Variants in ITCH observed in about 807,000 individuals in gnomAD.
ITCH encodes the protein itchy E3 ubiquitin protein ligase, also known as E3 ubiquitin-protein ligase Itchy homolog.
A neutral mutation model predicts 126.8 loss-of-function variants in ITCH; 28 were observed. The ratio of observed to expected loss-of-function variants is 0.22; its 90% CI spans 0.16 to 0.30. The LOEUF (loss-of-function observed/expected upper bound fraction) is 0.30. Ranked by LOEUF, ITCH falls within the 10% of genes least tolerant of loss-of-function variation. ITCH has a pLI of 1.00. For missense variants in ITCH, 631 were observed against 1,032.4 expected, an observed-to-expected ratio of 0.61 and a Z score of 5.33; for synonymous variants, 342 against 340.0, an observed-to-expected ratio of 1.01 and a Z score of -0.06.
intron 15 of ITCH, among the ~76,000 whole-genome samples, chr20:34,470,461 AT>A (rs1987516203): frequency 6.6e-6 from 1 of 151,738 alleles, no homozygotes; most frequent in East Asian, 1.9e-4. Flanking sequence ...AAAGAAGAAA[AT>A]TAAACTTGAA....
chr20:34,380,188 T>A (rs955523373), intron 2 of ITCH, among the ~76,000 whole-genome samples: 8 of 152,158 alleles, frequency 5.3e-5, no homozygotes, highest in African/African-American at 1.9e-4. Flanking sequence ...TGTCCTTTTG[T>A]GTCTGGTGTA....
intron 16 of ITCH, chr20:34,475,886 A>G: frequency 2.0e-6 from 2 of 989,080 alleles, no homozygotes; most frequent in Non-Finnish European, 3.2e-6. Flanking sequence ...TTATAAAAAT[A>G]GGTAAAATTC....
intron 23 of ITCH, among the ~76,000 whole-genome samples, chr20:34,498,339 T>C (rs1569006731): frequency 6.6e-6 from 1 of 152,216 alleles, no homozygotes; most frequent in South Asian, 2.1e-4. Flanking sequence ...TCTTATCTAA[T>C]TGCTTTGGCT....
chr20:34,443,809 AC>A (rs1474374933), intron 10 of ITCH, among the ~76,000 whole-genome samples: 1 of 151,892 alleles, frequency 6.6e-6, no homozygotes, highest in African/African-American at 2.4e-5. Flanking sequence ...GCATAGTGAG[AC>A]CCCATCACTA....
At chr20:34,491,998 G>A (rs947702789) in intron 22 of ITCH, among the ~76,000 whole-genome samples, 2 of 152,180 alleles carry the variant, frequency 1.3e-5, no homozygotes, top group South Asian at 4.1e-4. Context: ...TCTGGGGCTG[G>A]GGGGTGGTGG....
intron 7 of ITCH, among the ~76,000 whole-genome samples, chr20:34,431,414 T>TA (rs562425043): frequency 8.0e-4 from 122 of 151,952 alleles, no homozygotes; most frequent in African/African-American, 2.5e-3. Context: ...CTCTTGTCTT[T>TA]AAAAAAAGGA....
chr20:34,465,852 A>C (rs1004389940), intron 14 of ITCH, among the ~76,000 whole-genome samples: 5 of 151,720 alleles, frequency 3.3e-5, no homozygotes, highest in Admixed American at 2.0e-4. Context: ...GCTTCTGAAA[A>C]CAGATAAGTT....
chr20:34,420,239 A>G (rs902082066), intron 6 of ITCH, among the ~76,000 whole-genome samples: 1 of 151,918 alleles, frequency 6.6e-6, no homozygotes, highest in Non-Finnish European at 1.5e-5. Flanking sequence ...AAAAAACCCC[A>G]TTTCTTTCTT....
At chr20:34,452,011 A>G (rs567673827) in intron 12 of ITCH, among the ~76,000 whole-genome samples, 2 of 151,258 alleles carry the variant, frequency 1.3e-5, no homozygotes, top group Admixed American at 6.6e-5. Flanking sequence ...CAAGGCTGCA[A>G]GTAGGCCAAG....
chr20:34,503,254 C>G (rs2146562412), intron 23 of ITCH, among the ~76,000 whole-genome samples: 1 of 152,174 alleles, frequency 6.6e-6, no homozygotes, highest in African/African-American at 2.4e-5. Flanking sequence ...TTCTTTGTGT[C>G]TGACAGTGTC....
chr20:34,494,952 C>A (rs1989755419), intron 23 of ITCH, among the ~76,000 whole-genome samples: 1 of 149,738 alleles, frequency 6.7e-6, no homozygotes, highest in South Asian at 2.1e-4. Context: ...GAGTGAGACC[C>A]TATCTTAAAA....
chr20:34,489,375 A>C lies in ITCH; in HGVS notation c.2203A>C (p.Lys735Gln), dbSNP rs1347434826. 5.0e-6 allele frequency: 8 copies of C among 1,613,224 alleles called. No individual in the cohort carries two copies. The highest frequency in any genetic ancestry group is 6.8e-6 in the Non-Finnish European group (8 of 1,179,534). Reference protein sequence around the residue: ...PQQYLQYFDAKELEVLLCGMQ... With the variant: ...PQQYLQYFDAQELEVLLCGMQ... ...GCAATATTTGCAATACTTTGATGCA[A>C]AGGAATTAGAGGTAATGAATTTTCC... The change falls in exon 21 of 25, where the codon AAG becomes CAG. Residue 735 changes from lysine (K) to glutamine (Q), a missense_variant. Lys to Gln is a moderately conservative substitution (Grantham distance 53). Around this residue, in one of 4 missense-constraint regions of ITCH, gnomAD observed 390 missense variants for 731.6 expected, o/e 0.53. Coordinates refer to ENST00000374864, the MANE Select transcript of ITCH (RefSeq NM_031483.7).
intron 9 of ITCH, among the ~76,000 whole-genome samples, chr20:34,440,879 A>G (rs1983662047): frequency 2.0e-5 from 3 of 152,236 alleles, no homozygotes; most frequent in Admixed American, 6.5e-5. Context: ...CTGAAAGTTA[A>G]CCAAGGCCAA....
rs1034870067 is a variant in ITCH at position 34,492,489 on chromosome 20, T to C, written c.2320-12T>C. The C allele has an allele frequency of 2.8e-6, 4 of 1,442,200 alleles. No individual in the cohort carries two copies. In the African/African-American group the frequency reaches 4.2e-5, roughly 15 times the overall value. 89.3% of individuals were successfully genotyped at this position (1,442,200 alleles called of 1,614,324 possible). The stretch of plus-strand genomic sequence containing the variant: ...TATGACATATATATCTCTTTAAATA[T>C]ACTTTTAACAGTTTGTTAAAGAAAT... On this transcript the variant is annotated splice_polypyrimidine_tract_variant and intron_variant, in intron 22 of 24. Coordinates refer to ENST00000374864, the MANE Select transcript of ITCH (RefSeq NM_031483.7).
chr20:34,457,493 G>A lies in ITCH; in HGVS notation c.1295+19G>A. 6.8e-7 allele frequency: 1 copy of A among 1,473,710 alleles called. No homozygotes were observed. The highest frequency in any genetic ancestry group is 9.5e-7 in the Non-Finnish European group (1 of 1,053,998). 91.3% of individuals were successfully genotyped at this position (1,473,710 alleles called of 1,614,324 possible). On this transcript the variant is annotated intron_variant, in intron 13 of 24. Coordinates refer to ENST00000374864, the MANE Select transcript of ITCH (RefSeq NM_031483.7). ...GTCAAGGGTAAGAATAGTTACTTGT[G>A]TATATTTAATCTCTTAAAGATTATA... is the stretch of plus-strand genomic sequence containing the variant.
chr20:34,397,932 GAC>G (rs2038732361), intron 3 of ITCH, among the ~76,000 whole-genome samples: 2 of 150,814 alleles, frequency 1.3e-5, no homozygotes, highest in South Asian at 4.2e-4. Flanking sequence ...TATTCTCAGA[GAC>G]AATGATTAAT....
chr20:34,488,136 C>G (rs1989258234), intron 20 of ITCH, among the ~76,000 whole-genome samples: 1 of 149,000 alleles, frequency 6.7e-6, no homozygotes, highest in African/African-American at 2.5e-5. Context: ...CTCCTTATTT[C>G]TTTCCTCAGA....
intron 14 of ITCH, among the ~76,000 whole-genome samples, chr20:34,462,749 C>T (rs1471277958): frequency 6.6e-6 from 1 of 152,232 alleles, no homozygotes; most frequent in Non-Finnish European, 1.5e-5. Flanking sequence ...CACTGAAACA[C>T]TGTACCCTTT....
chr20:34,459,037 T>C (rs1986273962), intron 13 of ITCH, among the ~76,000 whole-genome samples: 2 of 152,258 alleles, frequency 1.3e-5, no homozygotes, highest in South Asian at 4.1e-4. Flanking sequence ...TCCACAAAAC[T>C]GCTGCCCTCA....
Sources: gnomAD v4.1 joint callset for allele counts (sites outside exome capture counted in the v4.1 genomes callset) on GRCh38, gnomAD v4.1.1 for gene constraint, gnomAD v4.1.1 regional missense constraint, MANE v1.5 for transcripts, NCBI Gene and HGNC (gene_info 2026-07-23, HGNC 2026-07-21) for gene names.